The following ZNF385B variants were observed in gnomAD, a reference collection of about 807,000 sequenced individuals.
The protein encoded by ZNF385B is zinc finger protein 385B.
In ZNF385B, 23 loss-of-function variants were observed where a neutral mutation model predicts 39.2. That is an observed-to-expected ratio of 0.59 (90% CI 0.42 to 0.83). The LOEUF is 0.83. Among genes scored for constraint, ZNF385B ranks in the 40% least tolerant of loss-of-function variants. The pLI, the probability that ZNF385B is intolerant of heterozygous loss-of-function variation, is 0.00. For synonymous variants in ZNF385B, 205 were observed against 222.6 expected, an observed-to-expected ratio of 0.92 and a Z score of 0.70; for missense variants, 552 against 598.9, an observed-to-expected ratio of 0.92 and a Z score of 0.82.
At chr2:179,581,340 A>G (rs1347631388) in intron 3 of ZNF385B, among the ~76,000 whole-genome samples, 1 of 152,256 alleles carries the variant, frequency 6.6e-6, no homozygotes, top group East Asian at 1.9e-4. Flanking sequence ...AAAAACAAGT[A>G]CAGTTAAAAA....
intron 3 of ZNF385B, among the ~76,000 whole-genome samples, chr2:179,659,745 G>A (rs994517570): frequency 6.6e-6 from 1 of 152,110 alleles, no homozygotes; most frequent in South Asian, 2.1e-4. Context: ...TTTTAAACAA[G>A]AAGTTGTGCT....
intron 1 of ZNF385B, among the ~76,000 whole-genome samples, chr2:179,780,351 G>A (rs982575311): frequency 6.6e-6 from 1 of 152,140 alleles, no homozygotes; most frequent in Non-Finnish European, 1.5e-5. Context: ...TAAGGCACAG[G>A]AGTCCCAGAG....
chr2:179,504,504 G>C (rs930406166), intron 5 of ZNF385B, among the ~76,000 whole-genome samples: 10 of 152,080 alleles, frequency 6.6e-5, no homozygotes, highest in Non-Finnish European at 8.8e-5. Context: ...CAGTGTAAAA[G>C]TGTTCCTATT....
intron 3 of ZNF385B, among the ~76,000 whole-genome samples, chr2:179,752,003 G>C (rs561194010): frequency 3.3e-5 from 5 of 152,134 alleles, no homozygotes; most frequent in Non-Finnish European, 7.4e-5. Context: ...TCTTACATAT[G>C]TATACATGTG....
chr2:179,678,934 T>C (rs1697229076), intron 3 of ZNF385B, among the ~76,000 whole-genome samples: 1 of 152,224 alleles, frequency 6.6e-6, no homozygotes, highest in African/African-American at 2.4e-5. Context: ...TATGAAAATT[T>C]ATTAATTTGA....
intron 1 of ZNF385B, among the ~76,000 whole-genome samples, chr2:179,781,781 T>C (rs1011705873): frequency 5.9e-5 from 9 of 152,162 alleles, no homozygotes; most frequent in Admixed American, 5.2e-4. Flanking sequence ...CAGGAAGATA[T>C]TGATTCCATG....
intron 3 of ZNF385B, among the ~76,000 whole-genome samples, chr2:179,704,006 A>C (rs1341950871): frequency 6.6e-6 from 1 of 152,224 alleles, no homozygotes; most frequent in Non-Finnish European, 1.5e-5. Flanking sequence ...CCCAAAAGTC[A>C]CAGGCTAGAG....
Position 179,539,539 on chromosome 2 carries a change from T to C in ZNF385B, c.441+5288A>G, listed in dbSNP as rs113885491. On this transcript the variant is annotated intron_variant, in intron 4 of 9. Transcript: ENST00000410066. ...AATTTATTTCAATTCAGAAGAAGTC[T>C]CTTCTTAAGGGGAACTAAACACCAA... is the stretch of plus-strand genomic sequence containing the variant. Among the ~76,000 whole-genome samples the C allele has an allele frequency of 9.7e-3, 1,476 of 152,332 alleles. 12 individuals carry two copies. Among genetic ancestry groups the C allele is most frequent in the Non-Finnish European group, 0.015 (1,019 of 68,028 alleles).
rs1574782447 is a variant in ZNF385B, at chr2:179,557,097, A to G, written c.299-12128T>C. On this transcript the variant is annotated intron_variant, in intron 3 of 9. Coordinates refer to ENST00000410066, the MANE Select transcript of ZNF385B (RefSeq NM_152520.6). Reference sequence around the variant, plus strand: ...ATTAGGAATCTACCCTTCATTTTGTATAACAAAAATGGGATTTGGAGAGCT... The same window carrying G: ...ATTAGGAATCTACCCTTCATTTTGTGTAACAAAAATGGGATTTGGAGAGCT... Among the ~76,000 whole-genome samples the G allele has an allele frequency of 1.3e-5, 2 of 149,480 alleles. 1 individual carries two copies. The highest frequency in any genetic ancestry group is 5.0e-5 in the African/African-American group (2 of 39,716).
chr2:179,727,772 G>T (rs1365098884), intron 3 of ZNF385B, among the ~76,000 whole-genome samples: 1 of 152,006 alleles, frequency 6.6e-6, no homozygotes, highest in African/African-American at 2.4e-5. Context: ...GACATATGGA[G>T]TGCATCAAAA....
At chr2:179,758,682 C>T (rs1703189620) in intron 3 of ZNF385B, among the ~76,000 whole-genome samples, 1 of 152,204 alleles carries the variant, frequency 6.6e-6, no homozygotes, top group Non-Finnish European at 1.5e-5. Flanking sequence ...TGCTAGGTAA[C>T]AAAGCCTGGT....
chr2:179,770,039 C>A (rs1459086120), intron 2 of ZNF385B, among the ~76,000 whole-genome samples: 1 of 152,066 alleles, frequency 6.6e-6, no homozygotes, highest in Non-Finnish European at 1.5e-5. Context: ...GCACTTTATA[C>A]CCCATCCTTG....
At chr2:179,718,545 T>C (rs1213260931) in intron 3 of ZNF385B, among the ~76,000 whole-genome samples, 1 of 148,544 alleles carries the variant, frequency 6.7e-6, no homozygotes, top group East Asian at 1.9e-4. Context: ...GAGAGATATA[T>C]ATATTTCTTC....
intron 3 of ZNF385B, among the ~76,000 whole-genome samples, chr2:179,548,367 T>C (rs1305470997): frequency 6.7e-6 from 1 of 149,310 alleles, no homozygotes; most frequent in East Asian, 1.9e-4. Context: ...AAGTAACTGC[T>C]GGTGCAGGTA....
chr2:179,773,905 A>G (rs964297571), intron 1 of ZNF385B, among the ~76,000 whole-genome samples: 11 of 152,202 alleles, frequency 7.2e-5, no homozygotes, highest in Non-Finnish European at 1.6e-4. Flanking sequence ...TGTGTTTTGT[A>G]TAAAATAGGC....
intron 5 of ZNF385B, among the ~76,000 whole-genome samples, chr2:179,491,266 T>C (rs2055193383): frequency 6.6e-6 from 1 of 152,240 alleles, no homozygotes; most frequent in African/African-American, 2.4e-5. Flanking sequence ...ATTTAAATTA[T>C]ATTACAATTT....
chr2:179,568,503 C>T (rs1244836814), intron 3 of ZNF385B, among the ~76,000 whole-genome samples: 2 of 152,158 alleles, frequency 1.3e-5, no homozygotes, highest in Non-Finnish European at 2.9e-5. Flanking sequence ...TGTGAAAATA[C>T]AATTTTAGCA....
At chr2:179,757,654 A>T (rs1489681825) in intron 3 of ZNF385B, among the ~76,000 whole-genome samples, 3 of 152,188 alleles carry the variant, frequency 2.0e-5, no homozygotes. Flanking sequence ...CTTAAGCCTC[A>T]GCATTGGAAG....
chr2:179,541,653 A>G (rs1045662460), intron 4 of ZNF385B, among the ~76,000 whole-genome samples: 18 of 152,216 alleles, frequency 1.2e-4, no homozygotes, highest in Admixed American at 3.9e-4. Flanking sequence ...ATTGAGTACA[A>G]TATACTTTAA....
Sources: allele counts gnomAD v4.1 joint callset (sites outside exome capture counted in the v4.1 genomes callset), GRCh38; gene constraint gnomAD v4.1.1; transcripts MANE v1.5; gene names NCBI Gene and HGNC (gene_info 2026-07-23, HGNC 2026-07-21).